The following MTSS1 variants were observed in gnomAD, a reference collection of about 807,000 sequenced individuals.
The protein encoded by MTSS1 is MTSS I-BAR domain containing 1.
A neutral mutation model predicts 79.0 loss-of-function variants in MTSS1; 18 were observed. The observed-to-expected ratio is 0.23, with a 90% CI of 0.16 to 0.34. The LOEUF (loss-of-function observed/expected upper bound fraction) is 0.34, where lower values mean the gene tolerates loss of function less well. MTSS1 is among the 10% of genes least tolerant of loss of function. The pLI is 1.00. For synonymous variants in MTSS1, 341 were observed against 368.6 expected, an observed-to-expected ratio of 0.93 and a Z score of 0.86; for missense variants, 815 against 986.2, an observed-to-expected ratio of 0.83 and a Z score of 2.33.
chr8:124,621,017 AAAG>A (rs1813398523), intron 3 of MTSS1, among the ~76,000 whole-genome samples: 1 of 152,184 alleles, frequency 6.6e-6, no homozygotes, highest in Admixed American at 6.5e-5. Flanking sequence ...GAAGGCCAGA[AAAG>A]AAGAAGCATA....
intron 3 of MTSS1, among the ~76,000 whole-genome samples, chr8:124,674,385 T>C (rs750824634): frequency 5.3e-5 from 8 of 152,212 alleles, no homozygotes; most frequent in Admixed American, 1.3e-4. Context: ...CTATATATGG[T>C]ACACCCCACG....
intron 3 of MTSS1, among the ~76,000 whole-genome samples, chr8:124,678,602 AT>A (rs2134889167): frequency 6.6e-6 from 1 of 152,320 alleles, no homozygotes; most frequent in East Asian, 1.9e-4. Flanking sequence ...CTTATTCACT[AT>A]CACAAGAACA....
At chr8:124,702,681 C>G (rs1829870422) in intron 2 of MTSS1, among the ~76,000 whole-genome samples, 1 of 152,148 alleles carries the variant, frequency 6.6e-6, no homozygotes, top group Non-Finnish European at 1.5e-5. Flanking sequence ...TCATCCCTCT[C>G]CCACCTCTCT....
At chr8:124,707,544 A>G (rs1237604009) in intron 1 of MTSS1, among the ~76,000 whole-genome samples, 3 of 152,078 alleles carry the variant, frequency 2.0e-5, no homozygotes, top group Non-Finnish European at 2.9e-5. Context: ...ACCCATCTCT[A>G]CTAAAAATAC....
chr8:124,627,901 TCAC>T (rs1815042119), intron 3 of MTSS1, among the ~76,000 whole-genome samples: 1 of 152,128 alleles, frequency 6.6e-6, no homozygotes, highest in African/African-American at 2.4e-5. Context: ...TCGCGGTGGC[TCAC>T]GCCTGTAATC....
chr8:124,674,439 T>C (rs985783360), intron 3 of MTSS1, among the ~76,000 whole-genome samples: 3 of 152,182 alleles, frequency 2.0e-5, no homozygotes, highest in Admixed American at 1.3e-4. Context: ...GTCCGCCTCC[T>C]GGTGCAAGCA....
intron 3 of MTSS1, among the ~76,000 whole-genome samples, chr8:124,682,592 C>G (rs1826301456): frequency 1.3e-5 from 2 of 152,166 alleles, no homozygotes; most frequent in Admixed American, 1.3e-4. Context: ...AGACAGGAGG[C>G]TAAAGTGGCC....
At chr8:124,558,984 T>A (rs1192347894) in intron 10 of MTSS1, among the ~76,000 whole-genome samples, 1 of 151,654 alleles carries the variant, frequency 6.6e-6, no homozygotes, top group Non-Finnish European at 1.5e-5. Context: ...GAGGGGAGGA[T>A]GAGAGAAGCA....
At chr8:124,584,799 T>C (rs1046009055) in intron 6 of MTSS1, among the ~76,000 whole-genome samples, 1 of 152,222 alleles carries the variant, frequency 6.6e-6, no homozygotes, top group African/African-American at 2.4e-5. Flanking sequence ...TCCCAAGGCT[T>C]CTAAGAAATT....
At chr8:124,562,254 T>C (rs1446439044) in intron 10 of MTSS1, among the ~76,000 whole-genome samples, 1 of 152,170 alleles carries the variant, frequency 6.6e-6, no homozygotes, top group East Asian at 1.9e-4. Context: ...TGCCACACCT[T>C]CCCTTCCAGA....
chr8:124,724,185 T>G (rs1006900328), intron 1 of MTSS1, among the ~76,000 whole-genome samples: 3 of 152,100 alleles, frequency 2.0e-5, no homozygotes, highest in Non-Finnish European at 4.4e-5. Context: ...TTGGACCCAC[T>G]ACCCACATTC....
At chr8:124,640,685 A>C (rs1189675891) in intron 3 of MTSS1, among the ~76,000 whole-genome samples, 1 of 152,180 alleles carries the variant, frequency 6.6e-6, no homozygotes. Flanking sequence ...CTGGGACTAC[A>C]GGTGCCCGCC....
At chr8:124,723,765 A>G (rs1833285032) in intron 1 of MTSS1, among the ~76,000 whole-genome samples, 1 of 152,180 alleles carries the variant, frequency 6.6e-6, no homozygotes, top group African/African-American at 2.4e-5. Context: ...AAAAGCCAAC[A>G]TGGGGCCCAT....
intron 10 of MTSS1, 123 bp downstream of exon 10, chr8:124,562,646 GAGAAATTAAACCA>G: frequency 1.2e-6 from 1 of 842,944 alleles, no homozygotes; most frequent in Non-Finnish European, 1.8e-6. Flanking sequence ...ATCTAAAGAT[GAGAAATTAAACCA>G]GAGGTTTCTC....
At chr8:124,615,969 C>T (rs1033411933) in intron 3 of MTSS1, among the ~76,000 whole-genome samples, 18 of 152,288 alleles carry the variant, frequency 1.2e-4, no homozygotes, top group Admixed American at 4.6e-4. Context: ...CCATGGCCTT[C>T]GACCTTCAGG....
intron 10 of MTSS1, among the ~76,000 whole-genome samples, chr8:124,562,155 C>T (rs562549946): frequency 6.6e-6 from 1 of 152,282 alleles, no homozygotes; most frequent in South Asian, 2.1e-4. Context: ...TTCAGATGCC[C>T]TGGCCAGCTC....
chr8:124,584,761 A>G (rs1025154083), intron 6 of MTSS1, among the ~76,000 whole-genome samples: 2 of 152,246 alleles, frequency 1.3e-5, no homozygotes, highest in Non-Finnish European at 2.9e-5. Context: ...TTACTAGAGA[A>G]CATTTGCATA....
chr8:124,651,313 T>A (rs1819914680), intron 3 of MTSS1, among the ~76,000 whole-genome samples: 1 of 152,230 alleles, frequency 6.6e-6, no homozygotes. Flanking sequence ...GGCAGTCACG[T>A]GTGGCAGTTC....
intron 9 of MTSS1, among the ~76,000 whole-genome samples, chr8:124,564,372 G>A (rs1484102581): frequency 6.6e-6 from 1 of 152,050 alleles, no homozygotes; most frequent in Non-Finnish European, 1.5e-5. Flanking sequence ...CTCAAGGGCC[G>A]CGTGACTGTT....
Sources: allele counts gnomAD v4.1 joint callset (sites outside exome capture counted in the v4.1 genomes callset), GRCh38; gene constraint gnomAD v4.1.1; transcripts MANE v1.5; gene names NCBI Gene and HGNC (gene_info 2026-07-23, HGNC 2026-07-21).